Variants in ULK4 observed in about 807,000 individuals in gnomAD.
ULK4 encodes the protein unc-51 like kinase 4.
ULK4 carries 133 observed loss-of-function variants against 160.6 expected under a neutral mutation model. That is an observed-to-expected ratio of 0.83 (90% CI 0.72 to 0.96). The LOEUF (loss-of-function observed/expected upper bound fraction) is 0.96, where lower values mean the gene tolerates loss of function less well. ULK4 is among the 40% of genes least tolerant of loss of function. The probability of loss-of-function intolerance (pLI) is 0.00; values close to 1 mark genes in which losing one functional copy is unlikely to be tolerated. For missense variants in ULK4, 1,580 were observed against 1,499.5 expected (o/e 1.05, Z -0.89); for synonymous variants, 534 against 539.8 (o/e 0.99, Z 0.15).
chr3:41,648,231 C>G (rs2034595583), intron 30 of ULK4, among the ~76,000 whole-genome samples: 1 of 152,202 alleles, frequency 6.6e-6, no homozygotes, highest in Non-Finnish European at 1.5e-5. Flanking sequence ...CTGGCACTCC[C>G]TAGTGAGATG....
intron 1 of ULK4, among the ~76,000 whole-genome samples, chr3:41,955,215 G>A (rs1247373234): frequency 1.3e-5 from 2 of 152,160 alleles, no homozygotes; most frequent in African/African-American, 4.8e-5. Context: ...GCTTGAACCC[G>A]GGAGGCGGAG....
intron 17 of ULK4, among the ~76,000 whole-genome samples, chr3:41,838,825 A>C (rs950099201): frequency 6.6e-6 from 1 of 152,200 alleles, no homozygotes; most frequent in African/African-American, 2.4e-5. Context: ...TCATGCACAG[A>C]AAGACAAATA....
Position 41,306,522 on chromosome 3 carries a change from T to TG in ULK4, c.3679-56949dup, listed in dbSNP as rs1236433472. 3.9e-3 allele frequency among the ~76,000 whole-genome samples: 533 copies of TG among 138,322 alleles called. 3 individuals carry two copies. The highest frequency in any genetic ancestry group is 0.014 in the African/African-American group (499 of 35,838). The allele number at this position is 138,322 out of a possible 152,430, so 90.7% of individuals were successfully genotyped here. A position where few individuals can be genotyped will look rare whatever the true frequency, so the allele number is the denominator to read the frequency against. On this transcript the variant is annotated intron_variant, in intron 35 of 36. Coordinates refer to ENST00000301831, the MANE Select transcript of ULK4 (RefSeq NM_017886.4). ...CCAGCCGCCCCATCCGGGAGGGAGG[T>TG]GGGGGGGTCAGCCCCCTGCCCGGCC...
chr3:41,762,243 T>A (rs1391773097), intron 21 of ULK4, among the ~76,000 whole-genome samples: 2 of 152,112 alleles, frequency 1.3e-5, no homozygotes, highest in Non-Finnish European at 2.9e-5. Context: ...TCATTCTAGC[T>A]AACTATATTT....
chr3:41,780,588 C>T (rs9837053), intron 21 of ULK4, among the ~76,000 whole-genome samples: 8,493 of 152,062 alleles, frequency 0.056, 429 homozygotes, highest in East Asian at 0.17. Context: ...GGCTGGGCAG[C>T]ACAGCTCAGG....
rs1369950665 is a variant in ULK4 at position 41,361,546 on chromosome 3, A to T, written c.3678+36533T>A. On this transcript the variant is annotated intron_variant, in intron 35 of 36. Transcript: ENST00000301831. ...ACAAATAAAACTGTTTAGAACTTTG[A>T]AAGCTATACAGTTAAAAGTACATCA... 3.3e-5 allele frequency among the ~76,000 whole-genome samples: 5 copies of T among 152,308 alleles called. No homozygotes were observed. The East Asian group carries it at 9.6e-4, about 29-fold the overall frequency.
intron 18 of ULK4, among the ~76,000 whole-genome samples, chr3:41,827,349 C>T (rs1433024958): frequency 6.6e-6 from 1 of 151,694 alleles, no homozygotes; most frequent in Non-Finnish European, 1.5e-5. Context: ...AAAAACCCTT[C>T]AAAACAATCA....
intron 17 of ULK4, among the ~76,000 whole-genome samples, chr3:41,856,807 A>G (rs1036199061): frequency 6.6e-6 from 1 of 151,496 alleles, no homozygotes; most frequent in Non-Finnish European, 1.5e-5. Flanking sequence ...TTGGGAGGCT[A>G]TGGTGGGTAG....
At chr3:41,366,573 A>ACACACACACACACACACACT (rs4016417) in intron 35 of ULK4, among the ~76,000 whole-genome samples, 70 of 151,552 alleles carry the variant, frequency 4.6e-4, no homozygotes, top group African/African-American at 1.7e-3. Context: ...ACACACACAC[A>ACACACACACACACACACACT]CTTTATCTAT....
intron 35 of ULK4, among the ~76,000 whole-genome samples, chr3:41,291,258 T>G (rs573377242): frequency 3.6e-4 from 54 of 149,468 alleles, no homozygotes; most frequent in African/African-American, 1.3e-3. Context: ...ATGCTTTTAG[T>G]AATAGGAGAG....
chr3:41,531,572 A>G (rs530150758), intron 32 of ULK4, among the ~76,000 whole-genome samples: 1 of 152,298 alleles, frequency 6.6e-6, no homozygotes, highest in Admixed American at 6.5e-5. Context: ...TAGCTGCAAA[A>G]AAAAATATTT....
intron 35 of ULK4, among the ~76,000 whole-genome samples, chr3:41,323,384 GAAC>G (rs2080281801): frequency 9.9e-6 from 1 of 100,600 alleles, no homozygotes; most frequent in African/African-American, 3.9e-5. Flanking sequence ...ACCCCTTCCT[GAAC>G]AATAACACAC....
At position 41,270,735 on chromosome 3, in the gene ULK4, C is replaced by T. The variant is rs80134702; in HGVS notation, c.3679-21161G>A. On this transcript the variant is annotated intron_variant, in intron 35 of 36. Coordinates refer to ENST00000301831, the MANE Select transcript of ULK4 (RefSeq NM_017886.4). ...ATGTCCTCATTTTATACGACGAGAT[C>T]GTGGCAGAAAGGTTAAGTTTCTAAA... 3.3e-5 allele frequency among the ~76,000 whole-genome samples: 5 copies of T among 152,194 alleles called. No homozygotes were observed. In the South Asian group the frequency reaches 6.2e-4, roughly 19 times the overall value.
chr3:41,686,139 T>C (rs762165786), intron 27 of ULK4, among the ~76,000 whole-genome samples: 2 of 151,886 alleles, frequency 1.3e-5, no homozygotes, highest in Admixed American at 6.6e-5. Flanking sequence ...CAACCAACCA[T>C]ACAACAAAGA....
intron 18 of ULK4, among the ~76,000 whole-genome samples, chr3:41,828,277 T>G (rs1049933224): frequency 2.7e-4 from 39 of 145,202 alleles, no homozygotes; most frequent in African/African-American, 9.0e-4. Flanking sequence ...CTATTCAACA[T>G]AGTGTTGGAA....
intron 5 of ULK4, among the ~76,000 whole-genome samples, chr3:41,924,225 G>A (rs1458585586): frequency 6.6e-6 from 1 of 152,092 alleles, no homozygotes; most frequent in African/African-American, 2.4e-5. Context: ...CAAAAGGTAG[G>A]GTGATTTTTT....
rs577006758 is a variant in ULK4, at chr3:41,384,692, C to G, written c.3678+13387G>C. Among the ~76,000 whole-genome samples the G allele has an allele frequency of 1.5e-3, 236 of 152,276 alleles. 1 individual carries two copies. Among genetic ancestry groups the G allele is most frequent in the Non-Finnish European group, 2.6e-3 (177 of 68,010 alleles). The stretch of plus-strand genomic sequence containing the variant: ...CTCTGCCTCCCAGGTACAAGCGATT[C>G]TCCTGCCTCGGCCTCCTGAGTAGCT... On this transcript the variant is annotated intron_variant, in intron 35 of 36. Coordinates refer to ENST00000301831, the MANE Select transcript of ULK4 (RefSeq NM_017886.4).
intron 4 of ULK4, among the ~76,000 whole-genome samples, chr3:41,932,391 T>G (rs1406810629): frequency 6.6e-6 from 1 of 152,220 alleles, no homozygotes; most frequent in Admixed American, 6.5e-5. Flanking sequence ...AAGCATAATG[T>G]AGCATTAAGA....
chr3:41,841,750 T>C (rs956263027), intron 17 of ULK4, among the ~76,000 whole-genome samples: 17 of 152,262 alleles, frequency 1.1e-4, no homozygotes, highest in African/African-American at 3.6e-4. Context: ...TGTGTCTGTG[T>C]AGAAAGAAGT....
Sources: gnomAD v4.1 joint callset for allele counts (sites outside exome capture counted in the v4.1 genomes callset) on GRCh38, gnomAD v4.1.1 for gene constraint, MANE v1.5 for transcripts, NCBI Gene and HGNC (gene_info 2026-07-23, HGNC 2026-07-21) for gene names.